The following AMPH variants were observed in gnomAD, a reference collection of about 807,000 sequenced individuals.
AMPH encodes the protein amphiphysin (Stiff-Mann syndrome with breast cancer 128kD autoantigen).
AMPH carries 49 observed loss-of-function variants against 99.1 expected under a neutral mutation model. That is an observed-to-expected ratio of 0.49 (90% CI 0.39 to 0.63). The LOEUF (loss-of-function observed/expected upper bound fraction) is 0.63, where lower values mean the gene tolerates loss of function less well. Among genes scored for constraint, AMPH ranks in the 20% least tolerant of loss-of-function variants. The pLI is 0.00. For missense variants in AMPH, 759 were observed against 863.4 expected (o/e 0.88, Z 1.52); for synonymous variants, 314 against 317.3 (o/e 0.99, Z 0.11).
At chr7:38,401,997 TTA>T (rs1030650211) in intron 17 of AMPH, among the ~76,000 whole-genome samples, 9 of 152,274 alleles carry the variant, frequency 5.9e-5, no homozygotes, top group African/African-American at 2.2e-4. Flanking sequence ...GTGCTTCTCT[TTA>T]TGTGTTGGGA....
chr7:38,441,901 ACG>A (rs1786570683), intron 11 of AMPH, among the ~76,000 whole-genome samples: 1 of 141,800 alleles, frequency 7.1e-6, no homozygotes, highest in African/African-American at 2.7e-5. Context: ...ACACACACAC[ACG>A]CCATGGAATA....
chr7:38,504,495 G>A (rs1562795755), intron 2 of AMPH, among the ~76,000 whole-genome samples: 1 of 152,206 alleles, frequency 6.6e-6, no homozygotes, highest in Non-Finnish European at 1.5e-5. Context: ...GCAGAGAAGG[G>A]AAGATAGCTG....
intron 3 of AMPH, among the ~76,000 whole-genome samples, chr7:38,502,486 C>T (rs549883713): frequency 6.8e-4 from 103 of 152,142 alleles, no homozygotes; most frequent in African/African-American, 2.4e-3. Context: ...CACCTGAGCC[C>T]TGAGCCTGTC....
intron 1 of AMPH, among the ~76,000 whole-genome samples, chr7:38,563,126 C>A (rs1162072126): frequency 3.0e-5 from 4 of 134,940 alleles, no homozygotes; most frequent in African/African-American, 1.1e-4. Flanking sequence ...ACTTGTTAAG[C>A]ACTGAATGAT....
At chr7:38,409,868 A>G (rs2128984182) in intron 17 of AMPH, among the ~76,000 whole-genome samples, 1 of 152,316 alleles carries the variant, frequency 6.6e-6, no homozygotes. Flanking sequence ...CAATAATAAT[A>G]CAGATCAGTA....
intron 7 of AMPH, among the ~76,000 whole-genome samples, chr7:38,470,513 C>A (rs1032167326): frequency 2.6e-5 from 4 of 152,092 alleles, no homozygotes; most frequent in Non-Finnish European, 5.9e-5. Flanking sequence ...TTGAGATATC[C>A]CTCTGTCATG....
At chr7:38,388,139 C>G (rs1364714524) in intron 20 of AMPH, among the ~76,000 whole-genome samples, 1 of 151,984 alleles carries the variant, frequency 6.6e-6, no homozygotes, top group African/African-American at 2.4e-5. Flanking sequence ...GAAATTAAGA[C>G]CAGATAGAAA....
chr7:38,421,110 C>T, intron 16 of AMPH: 2 of 455,912 alleles, frequency 4.4e-6, no homozygotes, highest in South Asian at 3.1e-5. Context: ...AAGATGTCTG[C>T]TTCAGAGAAT....
intron 20 of AMPH, 51 bp downstream of exon 20, chr7:38,389,753 C>G: frequency 5.0e-6 from 7 of 1,393,156 alleles, no homozygotes; most frequent in Admixed American, 1.7e-5. Context: ...CCAACAGACC[C>G]TCAGAAAAAA....
intron 17 of AMPH, among the ~76,000 whole-genome samples, chr7:38,416,062 T>G (rs181652573): frequency 7.1e-6 from 1 of 141,030 alleles, no homozygotes; most frequent in East Asian, 2.1e-4. Flanking sequence ...GTTGAATATT[T>G]TTCATATTAC....
intron 2 of AMPH, among the ~76,000 whole-genome samples, chr7:38,524,839 T>C (rs914063235): frequency 6.6e-6 from 1 of 152,052 alleles, no homozygotes; most frequent in African/African-American, 2.4e-5. Flanking sequence ...CACATCCTCC[T>C]GAGATTCGTG....
intron 2 of AMPH, among the ~76,000 whole-genome samples, chr7:38,508,867 T>C (rs1187091569): frequency 6.6e-6 from 1 of 152,200 alleles, no homozygotes; most frequent in East Asian, 1.9e-4. Context: ...AATTAGATTA[T>C]CAAGGAGATG....
At chr7:38,573,543 T>C (rs1432822661) in intron 1 of AMPH, among the ~76,000 whole-genome samples, 1 of 152,212 alleles carries the variant, frequency 6.6e-6, no homozygotes, top group African/African-American at 2.4e-5. Context: ...TTGTAACTAT[T>C]GTGTGTCTTT....
chr7:38,586,201 C>T (rs751038980), intron 1 of AMPH, among the ~76,000 whole-genome samples: 11 of 152,102 alleles, frequency 7.2e-5, no homozygotes, highest in Non-Finnish European at 1.3e-4. Flanking sequence ...AATTTTCCAA[C>T]GAACACGTAA....
intron 5 of AMPH, among the ~76,000 whole-genome samples, chr7:38,479,094 C>G (rs902233879): frequency 6.6e-6 from 1 of 151,764 alleles, no homozygotes; most frequent in African/African-American, 2.4e-5. Context: ...ATGAAGACAT[C>G]AAAGTATAGA....
intron 1 of AMPH, among the ~76,000 whole-genome samples, chr7:38,578,143 A>G (rs190629331): frequency 5.5e-4 from 83 of 152,216 alleles, no homozygotes; most frequent in African/African-American, 1.9e-3. Context: ...AATCATACCC[A>G]CCACTGCAAA....
At chr7:38,543,282 T>C (rs549281001) in intron 1 of AMPH, among the ~76,000 whole-genome samples, 186 of 152,130 alleles carry the variant, frequency 1.2e-3, no homozygotes, top group Admixed American at 1.6e-3. Flanking sequence ...AAAAAAACGC[T>C]GACCTGCTGT....
At chr7:38,508,805 T>A (rs1052106960) in intron 2 of AMPH, among the ~76,000 whole-genome samples, 3 of 152,212 alleles carry the variant, frequency 2.0e-5, no homozygotes, top group African/African-American at 7.2e-5. Context: ...GTTAACTCAA[T>A]CTTGAAAGCA....
At chr7:38,580,962 A>G (rs968303040) in intron 1 of AMPH, among the ~76,000 whole-genome samples, 2 of 152,174 alleles carry the variant, frequency 1.3e-5, no homozygotes, top group African/African-American at 4.8e-5. Context: ...GGTTAAGCCT[A>G]TTATATTTCT....
Sources: allele counts gnomAD v4.1 joint callset (sites outside exome capture counted in the v4.1 genomes callset), GRCh38; gene constraint gnomAD v4.1.1; transcripts MANE v1.5; gene names NCBI Gene and HGNC (gene_info 2026-07-23, HGNC 2026-07-21).